The following SAMSN1 variants were observed in gnomAD, a reference collection of about 807,000 sequenced individuals.
The protein encoded by SAMSN1 is SAM domain-containing protein SAMSN-1.
In SAMSN1, 31 loss-of-function variants were observed where a neutral mutation model predicts 42.0. The observed-to-expected ratio is 0.74, with a 90% CI of 0.55 to 1.00. The LOEUF is 1.00. SAMSN1 is among the 50% of genes least tolerant of loss of function. SAMSN1 has a pLI of 0.00. For synonymous variants in SAMSN1, 178 were observed against 151.9 expected, an observed-to-expected ratio of 1.17 and a Z score of -1.26; for missense variants, 464 against 439.4, an observed-to-expected ratio of 1.06 and a Z score of -0.50.
chr21:14,578,347 T>C (rs1600941290), intron 2 of SAMSN1, among the ~76,000 whole-genome samples: 1 of 152,068 alleles, frequency 6.6e-6, no homozygotes, highest in South Asian at 2.1e-4. Flanking sequence ...AGTGGGAGGC[T>C]ACAGTGGGCT....
intron 7 of SAMSN1, among the ~76,000 whole-genome samples, chr21:14,489,904 TTTAA>T (rs1241481375): frequency 1.3e-5 from 2 of 152,268 alleles, no homozygotes; most frequent in South Asian, 2.1e-4. Flanking sequence ...AATTTTGACA[TTTAA>T]TTAATTAAGA....
intron 1 of SAMSN1, among the ~76,000 whole-genome samples, chr21:14,538,647 C>A (rs1298324532): frequency 6.6e-6 from 1 of 152,122 alleles, no homozygotes; most frequent in South Asian, 2.1e-4. Context: ...TTTAATGGTA[C>A]AACTATGTGT....
intron 4 of SAMSN1, among the ~76,000 whole-genome samples, chr21:14,511,558 A>G (rs1987689414): frequency 6.6e-6 from 1 of 152,238 alleles, no homozygotes; most frequent in African/African-American, 2.4e-5. Flanking sequence ...AAAACTCAGG[A>G]TATTTGAAAC....
intron 1 of SAMSN1, among the ~76,000 whole-genome samples, chr21:14,534,611 G>T (rs934402929): frequency 6.6e-6 from 1 of 151,946 alleles, no homozygotes. Flanking sequence ...CGCCTCCCGG[G>T]TTCACGCCAT....
chr21:14,571,430 T>G (rs1981297317), intron 2 of SAMSN1, among the ~76,000 whole-genome samples: 1 of 152,180 alleles, frequency 6.6e-6, no homozygotes, highest in Non-Finnish European at 1.5e-5. Context: ...ATCACTATGG[T>G]TGTATTTAAT....
chr21:14,589,292 G>A (rs938344032), intron 7 of SAMSN1, among the ~76,000 whole-genome samples: 2 of 151,978 alleles, frequency 1.3e-5, no homozygotes, highest in Non-Finnish European at 2.9e-5. Flanking sequence ...CTCAAGGAAA[G>A]ATAATTTATT....
At chr21:14,622,466 G>A (rs116492109) in intron 2 of SAMSN1, among the ~76,000 whole-genome samples, 13,396 of 152,244 alleles carry the variant, frequency 0.088, 776 homozygotes, top group Admixed American at 0.2. Context: ...CAAGAACTAC[G>A]TGACGAATCC....
intron 2 of SAMSN1, among the ~76,000 whole-genome samples, chr21:14,580,059 A>T (rs531881641): frequency 6.6e-6 from 1 of 152,336 alleles, no homozygotes; most frequent in Admixed American, 6.5e-5. Flanking sequence ...CAAAGGAAGG[A>T]GGGACTACTT....
chr21:14,620,535 G>A (rs1057335099), intron 2 of SAMSN1, among the ~76,000 whole-genome samples: 10 of 152,160 alleles, frequency 6.6e-5, no homozygotes, highest in Non-Finnish European at 1.2e-4. Flanking sequence ...ATAGCAGTGT[G>A]AACATGATCT....
intron 2 of SAMSN1, among the ~76,000 whole-genome samples, chr21:14,576,587 C>G (rs1355965255): frequency 6.6e-6 from 1 of 152,188 alleles, no homozygotes; most frequent in Non-Finnish European, 1.5e-5. Flanking sequence ...TTTTGTTACT[C>G]TATTTATTGG....
chr21:14,605,987 G>A lies in SAMSN1; in HGVS notation c.322+3495C>T, dbSNP rs576458651. On this transcript the variant is annotated intron_variant, in intron 5 of 15. Coordinates refer to the SAMSN1 transcript ENST00000647101. ...CTCCCTAGTAGCTGGGACTACAGGC[G>A]CCCGCCACCACGCCCGGCTAATTTT... Among the ~76,000 whole-genome samples the A allele has an allele frequency of 4.0e-4, 60 of 151,720 alleles. 1 individual carries two copies. The highest frequency in any genetic ancestry group is 2.9e-3 in the Admixed American group (44 of 15,224).
intron 6 of SAMSN1, among the ~76,000 whole-genome samples, chr21:14,595,397 C>T (rs559856748): frequency 1.2e-3 from 185 of 152,172 alleles, no homozygotes; most frequent in Non-Finnish European, 2.1e-3. Context: ...GACTTCTCAG[C>T]CTCTAGAGCT....
At chr21:14,606,725 C>T (rs1263251782) in intron 5 of SAMSN1, among the ~76,000 whole-genome samples, 1 of 152,102 alleles carries the variant, frequency 6.6e-6, no homozygotes, top group Non-Finnish European at 1.5e-5. Context: ...GATGTAGTCT[C>T]TTTTAATAGA....
At chr21:14,531,946 T>G (rs984189872) in intron 1 of SAMSN1, among the ~76,000 whole-genome samples, 4 of 152,214 alleles carry the variant, frequency 2.6e-5, no homozygotes, top group Non-Finnish European at 5.9e-5. Context: ...GTGATCTCCT[T>G]GAACACAAGT....
chr21:14,605,682 G>T (rs1235720837), intron 5 of SAMSN1, among the ~76,000 whole-genome samples: 1 of 152,068 alleles, frequency 6.6e-6, no homozygotes, highest in Non-Finnish European at 1.5e-5. Flanking sequence ...ATTCAGGAGA[G>T]AAATTAGGTT....
chr21:14,565,273 G>A (rs1981076728), intron 2 of SAMSN1, among the ~76,000 whole-genome samples: 2 of 139,762 alleles, frequency 1.4e-5, no homozygotes, highest in Non-Finnish European at 1.5e-5. Context: ...TCCAGCCTTG[G>A]CAAGACTCTA....
chr21:14,622,690 C>G (rs902299896), intron 2 of SAMSN1, among the ~76,000 whole-genome samples: 1 of 152,180 alleles, frequency 6.6e-6, no homozygotes. Context: ...AGTTGGAAAA[C>G]ACTCTGCAGG....
At chr21:14,618,649 G>T (rs1407478770) in intron 2 of SAMSN1, among the ~76,000 whole-genome samples, 1 of 127,060 alleles carries the variant, frequency 7.9e-6, no homozygotes, top group Non-Finnish European at 1.6e-5. Context: ...TAGAACCACA[G>T]CTGTGTATGT....
chr21:14,563,866 T>G (rs752697313), intron 2 of SAMSN1, among the ~76,000 whole-genome samples: 1 of 152,164 alleles, frequency 6.6e-6, no homozygotes, highest in Non-Finnish European at 1.5e-5. Flanking sequence ...TCAGCATAAG[T>G]AGTGGTAGAA....
Sources: allele counts gnomAD v4.1 joint callset (sites outside exome capture counted in the v4.1 genomes callset), GRCh38; gene constraint gnomAD v4.1.1; transcripts MANE v1.5; gene names NCBI Gene and HGNC (gene_info 2026-07-23, HGNC 2026-07-21).